XKR9: variants seen among roughly 807,000 people sequenced by gnomAD.
XKR9 encodes the protein XK-related protein 9.
XKR9 carries 32 observed loss-of-function variants against 32.0 expected under a neutral mutation model. The observed-to-expected ratio is 1.00, with a 90% CI of 0.76 to 1.34. XKR9 has a LOEUF of 1.34. Ranked by LOEUF, XKR9 falls within the 40% of genes most tolerant of loss-of-function variation. The pLI, the probability that XKR9 is intolerant of heterozygous loss-of-function variation, is 0.00. For missense variants in XKR9, 546 were observed against 429.7 expected, an observed-to-expected ratio of 1.27 and a Z score of -2.39; for synonymous variants, 168 against 143.4, an observed-to-expected ratio of 1.17 and a Z score of -1.22.
the XKR9 span, among the ~76,000 whole-genome samples, chr8:70,919,149 A>G: frequency 7.1e-4 from 108 of 152,158 alleles, no homozygotes; most frequent in Middle Eastern, 6.8e-3. Context: ...AGACATTTAC[A>G]TTTCGACTCT....
chr8:70,815,509 T>TTTTATTTATTTA, the XKR9 span, among the ~76,000 whole-genome samples: 44,544 of 141,564 alleles, frequency 0.31, 7,933 homozygotes, highest in Admixed American at 0.42. Context: ...CATTCCTTTA[T>TTTTATTTATTTA]TTTATTTATT....
At chr8:70,836,954 A>G in the XKR9 span, among the ~76,000 whole-genome samples, 3 of 151,974 alleles carry the variant, frequency 2.0e-5, no homozygotes, top group Non-Finnish European at 4.4e-5. Context: ...TGTGATTTTC[A>G]TTTCAAAATA....
chr8:71,046,582 AT>A, the XKR9 span, among the ~76,000 whole-genome samples: 2 of 152,202 alleles, frequency 1.3e-5, no homozygotes, highest in East Asian at 3.8e-4. Flanking sequence ...AGTCAAACAA[AT>A]TGCTGAAGTG....
intron 4 of XKR9, among the ~76,000 whole-genome samples, chr8:70,725,397 T>C (rs141676556): frequency 5.0e-4 from 76 of 152,220 alleles, no homozygotes; most frequent in African/African-American, 1.8e-3. Context: ...AAATAGGAAA[T>C]CAATAAACAG....
chr8:70,731,638 G>C (rs537492224), intron 4 of XKR9, among the ~76,000 whole-genome samples: 1 of 152,056 alleles, frequency 6.6e-6, no homozygotes, highest in Non-Finnish European at 1.5e-5. Flanking sequence ...TCTCCTCTTG[G>C]TCCCCTGTTG....
chr8:70,950,708 C>T, the XKR9 span, among the ~76,000 whole-genome samples: 6 of 152,086 alleles, frequency 3.9e-5, no homozygotes, highest in Non-Finnish European at 8.8e-5. Context: ...GAGTCTCACT[C>T]TGTTCCTCAG....
At chr8:70,971,246 T>C in the XKR9 span, among the ~76,000 whole-genome samples, 13 of 152,200 alleles carry the variant, frequency 8.5e-5, no homozygotes, top group South Asian at 2.1e-4. Flanking sequence ...ATATGCTTGT[T>C]GTCCATTTGT....
the XKR9 span, among the ~76,000 whole-genome samples, chr8:70,882,665 G>A: frequency 6.6e-6 from 1 of 151,760 alleles, no homozygotes; most frequent in East Asian, 1.9e-4. Flanking sequence ...TCATATCTTT[G>A]TTTCCTTCCT....
At chr8:70,669,693 G>A (rs1313882635) in intron 1 of XKR9, among the ~76,000 whole-genome samples, 155 bp downstream of exon 1, 13 of 116,410 alleles carry the variant, frequency 1.1e-4, no homozygotes, top group African/African-American at 4.2e-4. Context: ...TTGAGACGAA[G>A]TCTCGGTCTG....
In XKR9 at chr8:70,752,694, G is replaced by T. The variant is rs114124971; in HGVS notation, n.353-36645G>T. Among the ~76,000 whole-genome samples the T allele has an allele frequency of 7.7e-3, 1,167 of 152,126 alleles. 18 individuals are homozygous for T. Among genetic ancestry groups the T allele is most frequent in the African/African-American group, 0.026 (1,072 of 41,518 alleles). On this transcript the variant is annotated intron_variant and non_coding_transcript_variant, in intron 2 of 3. Coordinates refer to the XKR9 transcript ENST00000520273. Reference sequence around the variant, plus strand: ...AATTTATCAGTTTTTTTCTTGTGTTGCTCAAGATTTTGGTTTCATCCAACG... The same window carrying T: ...AATTTATCAGTTTTTTTCTTGTGTTTCTCAAGATTTTGGTTTCATCCAACG...
chr8:70,910,443 A>G, the XKR9 span, among the ~76,000 whole-genome samples: 1 of 152,200 alleles, frequency 6.6e-6, no homozygotes, highest in Non-Finnish European at 1.5e-5. Context: ...GAGGAGATTC[A>G]ATTAGGTTTT....
At chr8:71,008,381 T>C in the XKR9 span, among the ~76,000 whole-genome samples, 5 of 152,212 alleles carry the variant, frequency 3.3e-5, no homozygotes. Flanking sequence ...ACAAGAGGTA[T>C]ACTCATAGTT....
At chr8:70,798,172 A>G in the XKR9 span, among the ~76,000 whole-genome samples, 2 of 152,100 alleles carry the variant, frequency 1.3e-5, no homozygotes, top group African/African-American at 4.8e-5. Flanking sequence ...TACTACCAGC[A>G]GTGTATAAGT....
chr8:70,889,659 A>T, the XKR9 span, among the ~76,000 whole-genome samples: 4 of 151,898 alleles, frequency 2.6e-5, no homozygotes, highest in African/African-American at 9.7e-5. Context: ...TATTACAAAT[A>T]TTATATGTAA....
the XKR9 span, among the ~76,000 whole-genome samples, chr8:70,959,554 CGTAAGT>C: frequency 2.0e-5 from 3 of 152,114 alleles, no homozygotes; most frequent in African/African-American, 7.2e-5. Flanking sequence ...GGAGAATTTT[CGTAAGT>C]GTATTAGGAA....
At chr8:70,758,466 G>T (rs900329806) in intron 2 of XKR9, among the ~76,000 whole-genome samples, 2 of 152,106 alleles carry the variant, frequency 1.3e-5, no homozygotes, top group African/African-American at 4.8e-5. Flanking sequence ...TGTTGACAGG[G>T]CTCCTTCCAG....
the XKR9 span, among the ~76,000 whole-genome samples, chr8:70,861,455 A>C: frequency 3.3e-5 from 5 of 151,732 alleles, no homozygotes; most frequent in African/African-American, 1.2e-4. Context: ...AGTTCAGATC[A>C]GCCTAGGCAG....
intron 3 of XKR9, among the ~76,000 whole-genome samples, chr8:70,688,653 T>C (rs928505656): frequency 2.6e-5 from 4 of 151,726 alleles, no homozygotes; most frequent in Non-Finnish European, 5.9e-5. Flanking sequence ...CCTGACCTCG[T>C]GAGCCGCCCG....
At chr8:70,958,314 A>C in the XKR9 span, among the ~76,000 whole-genome samples, 1 of 152,200 alleles carries the variant, frequency 6.6e-6, no homozygotes, top group East Asian at 1.9e-4. Context: ...TTACACTCCC[A>C]CCACCAGTGT....
Sources: gnomAD v4.1 joint callset for allele counts (sites outside exome capture counted in the v4.1 genomes callset) on GRCh38, gnomAD v4.1.1 for gene constraint, MANE v1.5 for transcripts, NCBI Gene and HGNC (gene_info 2026-07-23, HGNC 2026-07-21) for gene names.